The following HEXA variants were observed in gnomAD, a reference collection of about 807,000 sequenced individuals.
HEXA encodes hexosaminidase subunit alpha.
HEXA carries 54 observed loss-of-function variants against 73.3 expected under a neutral mutation model. That is an observed-to-expected ratio of 0.74 (90% CI 0.59 to 0.92). HEXA has a LOEUF of 0.92. Among genes scored for constraint, HEXA ranks in the 40% least tolerant of loss-of-function variants. The probability of loss-of-function intolerance (pLI) is 0.00; values close to 1 mark genes in which losing one functional copy is unlikely to be tolerated. For missense variants in HEXA, 649 were observed against 653.0 expected, an observed-to-expected ratio of 0.99 and a Z score of 0.07; for synonymous variants, 230 against 246.9, an observed-to-expected ratio of 0.93 and a Z score of 0.64.
chr15:72,345,001 G>C lies in HEXA; in HGVS notation c.1526+445C>G, dbSNP rs890313. Among the ~76,000 whole-genome samples, 3 of 152,294 alleles carry C rather than the reference G, an allele frequency of 2.0e-5. No homozygotes were observed. In the South Asian group the frequency reaches 6.2e-4, roughly 32 times the overall value. On this transcript the variant is annotated intron_variant, in intron 13 of 13. Transcript: ENST00000268097. Reference sequence around the variant, plus strand: ...TGGGGCTGTGGTGAAGACTAAATGAGACAATATTTGTAACAAACTTAGCAC... The same window carrying C: ...TGGGGCTGTGGTGAAGACTAAATGACACAATATTTGTAACAAACTTAGCAC...
rs1040606025 is a variant in HEXA, at chr15:72,351,532, C to T, written c.571-298G>A. The T allele has an allele frequency of 2.1e-5, 10 of 477,760 alleles. No individual in the cohort carries two copies. In the South Asian group the frequency reaches 2.2e-4, roughly 10 times the overall value. The allele number at this position is 477,760 out of a possible 1,614,324, so 29.6% of individuals were successfully genotyped here. A position where few individuals can be genotyped will look rare whatever the true frequency, so the allele number is the denominator to read the frequency against. ...CACATTAAGAGGAGGGCTGCAGCTA[C>T]TGTGGTAGCCTGGAATCTTCCAAAA... On this transcript the variant is annotated intron_variant, in intron 5 of 13. Transcript: ENST00000268097.
chr15:72,347,852 G>A, intron 9 of HEXA, 94 bp from the exon 10 acceptor site: 4 of 1,233,468 alleles, frequency 3.2e-6, no homozygotes, highest in East Asian at 4.7e-5. Flanking sequence ...GCCTGGCCAG[G>A]GGCCTATTCC....
At chr15:72,360,748 G>C (rs922605819) in intron 1 of HEXA, among the ~76,000 whole-genome samples, 3 of 152,166 alleles carry the variant, frequency 2.0e-5, no homozygotes, top group African/African-American at 7.2e-5. Context: ...TCAAATCTTG[G>C]TTCTAACACT....
intron 1 of HEXA, chr15:72,370,012 T>C (rs2088967965): frequency 6.6e-6 from 1 of 151,188 alleles, no homozygotes; most frequent in South Asian, 2.1e-4. Context: ...TTCTTCCCAC[T>C]ATTATACCCT....
intron 5 of HEXA, 116 bp downstream of exon 5, chr15:72,352,952 C>T (rs2088719878): frequency 1.4e-6 from 1 of 724,998 alleles, no homozygotes; most frequent in Non-Finnish European, 2.5e-6. Context: ...GCATGAGCCA[C>T]CACACCCAGT....
rs750903859 is a variant in HEXA at position 72,346,320 on chromosome 15, G to A, written c.1336C>T (p.Pro446Ser). The change falls in exon 12 of 14, where the codon CCT becomes TCT. Residue 446 changes from proline (P) to serine (S), a missense_variant. Transcript: ENST00000268097. ...IVEPLAFEGTPEQKALVIGGE... is the reference protein window; with the variant it reads ...IVEPLAFEGTSEQKALVIGGE... ...CCAATCACCAGAGCCTTCTGCTCAG[G>A]GGTACCTGAGGGAAAACAAGCAACA... is the stretch of plus-strand genomic sequence containing the variant. 5 of 1,613,266 alleles carry A rather than the reference G, an allele frequency of 3.1e-6. No homozygotes were observed. The highest frequency in any genetic ancestry group is 1.7e-5 in the Admixed American group (1 of 59,974).
chr15:72,355,680 A>G, intron 2 of HEXA, 56 bp from the exon 3 acceptor site: 1 of 1,121,628 alleles, frequency 8.9e-7, no homozygotes, highest in South Asian at 1.2e-5. Context: ...TTCTCAGATT[A>G]TAGACCAGAT....
intron 3 of HEXA, 105 bp from the exon 4 acceptor site, chr15:72,353,842 G>A: frequency 1.2e-6 from 1 of 853,302 alleles, no homozygotes; most frequent in South Asian, 1.4e-5. Context: ...TGGGTACACA[G>A]GGAAAATGGA....
chr15:72,345,767 C>T (rs1451701280), intron 12 of HEXA: 1 of 632,958 alleles, frequency 1.6e-6, no homozygotes, highest in Non-Finnish European at 2.8e-6. Flanking sequence ...CAATCCCACT[C>T]TCTTCCTCTC....
intron 1 of HEXA, chr15:72,359,924 G>A (rs1200864281): frequency 6.6e-6 from 1 of 152,020 alleles, no homozygotes; most frequent in Non-Finnish European, 1.5e-5. Flanking sequence ...CTCTGGACAT[G>A]GAATTCTAAT....
Position 72,353,157 on chromosome 15 carries a change from T to A in HEXA, c.481A>T (p.Ile161Phe). 6.2e-7 allele frequency: 1 copy of A among 1,611,474 alleles called. No individual in the cohort carries two copies. The highest frequency in any genetic ancestry group is 8.5e-7 in the Non-Finnish European group (1 of 1,177,634). ...TGAGGAAAGCGGGGAAAGTCCTCAA[T>A]CTCAGTCTTGTTGATAAAGAACTGT... The part of the protein sequence containing the change: ...EGTFFINKTE[I>F]EDFPRFPHRG... Residue 161 changes from isoleucine (I) to phenylalanine (F), a missense_variant, in exon 5 of 14, where the codon ATT becomes TTT. Coordinates refer to ENST00000268097, the MANE Select transcript of HEXA (RefSeq NM_000520.6).
intron 1 of HEXA, chr15:72,362,464 T>G (rs1369668308): frequency 4.4e-6 from 2 of 455,766 alleles, no homozygotes; most frequent in Non-Finnish European, 8.8e-6. Context: ...CAGTACATGT[T>G]TGCTGAAAAA....
rs57733983 is a variant in HEXA, at chr15:72,346,050, T to C, written c.1421+185A>G. 6,015 of 630,202 alleles carry C rather than the reference T, an allele frequency of 9.5e-3. 97 individuals are homozygous for C. Among genetic ancestry groups the C allele is most frequent in the African/African-American group, 0.053 (2,878 of 54,596 alleles). 39.0% of individuals were successfully genotyped at this position (630,202 alleles called of 1,614,324 possible). On this transcript the variant is annotated intron_variant, in intron 12 of 13. Transcript: ENST00000268097. Reference sequence around the variant, plus strand: ...ATACCAAAGGGCAGCTGGAGGGATATAGACGGAAGTCATGTGGAGAGTGAA... The same window carrying C: ...ATACCAAAGGGCAGCTGGAGGGATACAGACGGAAGTCATGTGGAGAGTGAA...
intron 1 of HEXA, among the ~76,000 whole-genome samples, chr15:72,367,518 G>A (rs760919446): frequency 5.3e-5 from 8 of 152,122 alleles, no homozygotes; most frequent in Non-Finnish European, 1.2e-4. Flanking sequence ...CCTTTTAACT[G>A]GGTTTCCTGC....
intron 5 of HEXA, among the ~76,000 whole-genome samples, chr15:72,351,953 A>G (rs900326140): frequency 1.5e-5 from 2 of 130,732 alleles, no homozygotes; most frequent in East Asian, 4.9e-4. Flanking sequence ...TCCTTCCTTC[A>G]CTTATTTATT....
In HEXA at chr15:72,375,947, G is replaced by C. The variant is rs769370282; in HGVS notation, c.26C>G (p.Ser9Trp). ...TGCGAACGCTGCCGCCAGCAGCAGC[G>C]AAAACCAAAGCCTGGAGCTTGTCAT... The part of the protein sequence containing the change: MTSSRLWF[S>W]LLLAAAFAGR... Residue 9 changes from serine to tryptophan, a missense_variant, in exon 1 of 14, where the codon TCG (serine) becomes TGG (tryptophan). Transcript: ENST00000268097. 1 of 1,614,068 alleles carries C rather than the reference G, an allele frequency of 6.2e-7. No individual in the cohort carries two copies. The highest frequency in any genetic ancestry group is 8.5e-7 in the Non-Finnish European group (1 of 1,180,032).
chr15:72,369,866 T>C (rs1203987367), intron 1 of HEXA: 1 of 152,136 alleles, frequency 6.6e-6, no homozygotes, highest in Admixed American at 6.5e-5. Context: ...AAGGTATCCA[T>C]TGTCAAAAAC....
At position 72,343,935 on chromosome 15, in the gene HEXA, A is replaced by C; in HGVS notation, c.*142T>G. On this transcript the variant is annotated 3_prime_UTR_variant, in exon 14 of 14. Transcript: ENST00000268097. ...CTCTTTATTGAATGCGAGCGCCAGC[A>C]CCGGCCCCTTTCTCTCCAAGCACAG... 1.4e-6 allele frequency: 1 copy of C among 707,450 alleles called. No homozygotes were observed. The highest frequency in any genetic ancestry group is 2.6e-6 in the Non-Finnish European group (1 of 387,864). 43.8% of individuals were successfully genotyped at this position (707,450 alleles called of 1,614,324 possible).
At chr15:72,356,339 T>C (rs769284777) in intron 2 of HEXA, among the ~76,000 whole-genome samples, 186 bp downstream of exon 2, 1 of 152,190 alleles carries the variant, frequency 6.6e-6, no homozygotes, top group Non-Finnish European at 1.5e-5. Flanking sequence ...AGCCAACCTT[T>C]AGCACTGGTT....
Sources: allele counts gnomAD v4.1 joint callset (sites outside exome capture counted in the v4.1 genomes callset), GRCh38; gene constraint gnomAD v4.1.1; transcripts MANE v1.5; gene names NCBI Gene and HGNC (gene_info 2026-07-23, HGNC 2026-07-21).